The following ZMYM6 variants were observed in gnomAD, a reference collection of about 807,000 sequenced individuals.
ZMYM6 encodes the protein zinc finger MYM-type protein 6.
In ZMYM6, 90 loss-of-function variants were observed where a neutral mutation model predicts 134.0. The ratio of observed to expected loss-of-function variants is 0.67; its 90% CI spans 0.57 to 0.80. The LOEUF (loss-of-function observed/expected upper bound fraction) is 0.80. Among genes scored for constraint, ZMYM6 ranks in the 30% least tolerant of loss-of-function variants. The pLI, the probability that ZMYM6 is intolerant of heterozygous loss-of-function variation, is 0.00. For synonymous variants in ZMYM6, 481 were observed against 524.1 expected (o/e 0.92, Z 1.12); for missense variants, 1,362 against 1,533.9 (o/e 0.89, Z 1.87).
intron 4 of ZMYM6, chr1:35,018,552 T>C (rs1469541407): frequency 1.3e-5 from 2 of 152,002 alleles, no homozygotes; most frequent in Non-Finnish European, 2.9e-5. Context: ...TTATTAATAA[T>C]AACAGGATTC....
At position 34,987,152 on chromosome 1, in the gene ZMYM6, G is replaced by A; in HGVS notation, c.3930C>T (p.Val1310=). ...LGSGPALRLA[V]TSLIPRIEKL... is the part of the protein sequence containing the mutation. ...TTTCTATCCTTGGAATTAAAGATGTGACTGCAAGTCTTAGGGCAGGGCCAG... is the reference window on the plus strand; with the variant it reads ...TTTCTATCCTTGGAATTAAAGATGTAACTGCAAGTCTTAGGGCAGGGCCAG... The change falls in exon 16 of 16, where the codon GTC becomes GTT. Residue 1310 remains valine (V), a synonymous_variant. Coordinates refer to ENST00000357182, the MANE Select transcript of ZMYM6 (RefSeq NM_007167.4). 1 of 1,585,082 alleles carries A rather than the reference G, an allele frequency of 6.3e-7. No homozygotes were observed. The highest frequency in any genetic ancestry group is 2.2e-5 in the East Asian group (1 of 44,568).
Position 35,014,802 on chromosome 1 carries a change from G to A in ZMYM6, c.690C>T (p.Leu230=), listed in dbSNP as rs756922047. Residue 230 remains leucine, a synonymous_variant, in exon 6 of 16, where the codon CTC becomes CTT. Coordinates refer to ENST00000357182, the MANE Select transcript of ZMYM6 (RefSeq NM_007167.4). ...CACAGTTCTCACAACAGTTCATGGT[G>A]AGGTTGTTTGTAGAGTGAAATTTTG... ...CFSKFHSTNN[L]TMNCCENCGS... 1.2e-6 allele frequency: 2 copies of A among 1,614,222 alleles called. No individual in the cohort carries two copies. Among genetic ancestry groups the A allele is most frequent in the Non-Finnish European group, 1.7e-6 (2 of 1,180,044 alleles).
Position 35,011,160 on chromosome 1 carries a change from CAGAA to C in ZMYM6, c.1063-128_1063-125del, listed in dbSNP as rs910802130. 8.3e-5 allele frequency: 85 copies of C among 1,024,244 alleles called. No homozygotes were observed. In the African/African-American group the frequency reaches 1.1e-3, roughly 13 times the overall value. The allele number at this position is 1,024,244 out of a possible 1,614,324, so 63.4% of individuals were successfully genotyped here. ...ACATTTTTTAAAATTTTCTATCTCACAGAAAGAGTTTAAATGGTATATTTCCAGA... is the reference window on the plus strand; with the variant it reads ...ACATTTTTTAAAATTTTCTATCTCACAGAGTTTAAATGGTATATTTCCAGA... On this transcript the variant is annotated intron_variant, in intron 8 of 15. Transcript: ENST00000357182.
At chr1:35,012,681 G>C in intron 6 of ZMYM6, 100 bp from the exon 7 acceptor site, 1 of 1,493,136 alleles carries the variant, frequency 6.7e-7, no homozygotes, top group Non-Finnish European at 8.9e-7. Flanking sequence ...CACGGTCCTT[G>C]GTTGAAATAT....
intron 6 of ZMYM6, 51 bp downstream of exon 6, chr1:35,014,646 C>T (rs150193534): frequency 6.4e-7 from 1 of 1,563,518 alleles, no homozygotes; most frequent in East Asian, 2.2e-5. Context: ...CCCTGTGCAG[C>T]CAAATCAGAA....
chr1:34,994,355 A>C (rs917736665), intron 14 of ZMYM6, among the ~76,000 whole-genome samples: 2 of 152,222 alleles, frequency 1.3e-5, no homozygotes, highest in African/African-American at 4.8e-5. Flanking sequence ...ACATCTGAGC[A>C]GAGACCTTTT....
intron 4 of ZMYM6, chr1:35,017,285 C>T (rs1439911323): frequency 6.6e-6 from 1 of 152,102 alleles, no homozygotes; most frequent in Non-Finnish European, 1.5e-5. Context: ...CTTTAAAACT[C>T]AACTTTAAAA....
intron 2 of ZMYM6, among the ~76,000 whole-genome samples, chr1:35,029,137 A>C (rs1470772188): frequency 1.3e-5 from 2 of 152,226 alleles, no homozygotes; most frequent in Non-Finnish European, 2.9e-5. Context: ...AGTTGCAGTG[A>C]GCCACCAAGA....
At chr1:34,992,065 G>T in intron 15 of ZMYM6, 169 bp downstream of exon 15, 1 of 837,390 alleles carries the variant, frequency 1.2e-6, no homozygotes, top group Non-Finnish European at 1.9e-6. Context: ...GGTTATTAGT[G>T]TTAATAATTA....
At chr1:35,013,418 A>T (rs1641123755) in intron 6 of ZMYM6, 1 of 984,024 alleles carries the variant, frequency 1.0e-6, no homozygotes, top group Middle Eastern at 5.2e-4. Flanking sequence ...AGGTTTCACT[A>T]CATAATCTTC....
Position 35,030,677 on chromosome 1 carries a change from C to G in ZMYM6, c.-38G>C. On this transcript the variant is annotated 5_prime_UTR_variant, in exon 2 of 16. Coordinates refer to ENST00000357182, the MANE Select transcript of ZMYM6 (RefSeq NM_007167.4). The stretch of plus-strand genomic sequence containing the variant: ...CCTCAAAGAGTGTCTCAGGCTCAAA[C>G]GAATAGATTTCTTCTTGGTAATGGA... 2 of 1,578,582 alleles carry G rather than the reference C, an allele frequency of 1.3e-6. No individual in the cohort carries two copies. Among genetic ancestry groups the G allele is most frequent in the Non-Finnish European group, 1.7e-6 (2 of 1,156,860 alleles).
chr1:34,994,169 A>G (rs934769958), intron 14 of ZMYM6, among the ~76,000 whole-genome samples: 3 of 152,246 alleles, frequency 2.0e-5, no homozygotes, highest in African/African-American at 7.2e-5. Flanking sequence ...GAGATACCGC[A>G]GAAAACAAGA....
chr1:35,014,428 C>A (rs1190083408), intron 6 of ZMYM6, among the ~76,000 whole-genome samples: 1 of 152,112 alleles, frequency 6.6e-6, no homozygotes, highest in Non-Finnish European at 1.5e-5. Context: ...CATGGCAAAA[C>A]CCTATCTCGA....
At chr1:35,013,681 G>A in intron 6 of ZMYM6, 1 of 941,636 alleles carries the variant, frequency 1.1e-6, no homozygotes, top group Non-Finnish European at 1.3e-6. Flanking sequence ...ATACATCTTT[G>A]TTTTTTTTTT....
At chr1:34,997,463 T>C (rs1254608002) in intron 14 of ZMYM6, among the ~76,000 whole-genome samples, 1 of 151,994 alleles carries the variant, frequency 6.6e-6, no homozygotes, top group Non-Finnish European at 1.5e-5. Context: ...TGCCAACACA[T>C]TCAGCTAATT....
intron 11 of ZMYM6, 96 bp from the exon 12 acceptor site, chr1:35,007,194 A>G: frequency 1.5e-6 from 2 of 1,292,850 alleles, no homozygotes; most frequent in East Asian, 2.6e-5. Context: ...AACAGGATAT[A>G]TGAGTCAGTT....
chr1:34,997,451 T>A (rs1487442627), intron 14 of ZMYM6, among the ~76,000 whole-genome samples: 1 of 152,124 alleles, frequency 6.6e-6, no homozygotes, highest in African/African-American at 2.4e-5. Context: ...ATTACAGGCA[T>A]GTGCCAACAC....
At chr1:35,018,176 C>G (rs1641238235) in intron 4 of ZMYM6, 1 of 152,152 alleles carries the variant, frequency 6.6e-6, no homozygotes, top group Admixed American at 6.6e-5. Context: ...AAAACCATCT[C>G]TACAAAAAAA....
chr1:35,018,537 T>A (rs1337450092), intron 4 of ZMYM6: 1 of 151,894 alleles, frequency 6.6e-6, no homozygotes, highest in Non-Finnish European at 1.5e-5. Context: ...ACGATATAAT[T>A]TTTATTATTA....
Sources: allele counts gnomAD v4.1 joint callset (sites outside exome capture counted in the v4.1 genomes callset), GRCh38; gene constraint gnomAD v4.1.1; transcripts MANE v1.5; gene names NCBI Gene and HGNC (gene_info 2026-07-23, HGNC 2026-07-21).